RASSF8: variants seen among roughly 807,000 people sequenced by gnomAD.
The protein encoded by RASSF8 is ras association domain-containing protein 8.
In RASSF8, 22 loss-of-function variants were observed where a neutral mutation model predicts 48.5. That is an observed-to-expected ratio of 0.45 (90% CI 0.32 to 0.65). The LOEUF (loss-of-function observed/expected upper bound fraction) is 0.65, where lower values mean the gene tolerates loss of function less well. Ranked by LOEUF, RASSF8 falls within the 30% of genes least tolerant of loss-of-function variation. RASSF8 has a pLI of 0.03. For synonymous variants in RASSF8, 127 were observed against 171.5 expected (o/e 0.74, Z 2.03); for missense variants, 418 against 489.2 (o/e 0.85, Z 1.37).
chr12:26,069,529 A>C lies in RASSF8; in HGVS notation c.*711A>C. On this transcript the variant is annotated 3_prime_UTR_variant, in exon 6 of 6. Transcript: ENST00000689635. ...TTTCATAAGCTAAATTGTATGTATA[A>C]AACATTTGCAGTGTTTCAGACACTG... The C allele has an allele frequency of 8.1e-6, 8 of 985,470 alleles. No homozygotes were observed. The highest frequency in any genetic ancestry group is 9.6e-6 in the Non-Finnish European group (8 of 829,930). 61.0% of individuals were successfully genotyped at this position (985,470 alleles called of 1,614,324 possible). A position where few individuals can be genotyped will look rare whatever the true frequency, so the allele number is the denominator to read the frequency against.
chr12:26,060,560 T>C (rs1023085838), intron 3 of RASSF8, among the ~76,000 whole-genome samples: 1 of 152,170 alleles, frequency 6.6e-6, no homozygotes, highest in African/African-American at 2.4e-5. Flanking sequence ...TAAGATGATA[T>C]ATATAAAAGC....
chr12:26,006,895 A>G (rs1942404908), intron 2 of RASSF8, among the ~76,000 whole-genome samples: 1 of 152,214 alleles, frequency 6.6e-6, no homozygotes, highest in Non-Finnish European at 1.5e-5. Context: ...GTTGCTATAG[A>G]GGAATACCTG....
chr12:26,037,136 G>A (rs73079059), intron 2 of RASSF8, among the ~76,000 whole-genome samples: 14,732 of 152,102 alleles, frequency 0.097, 750 homozygotes, highest in Middle Eastern at 0.16. Flanking sequence ...GATTAAATTC[G>A]GATAATTGCT....
At chr12:25,980,484 G>A (rs1175895857) in intron 1 of RASSF8, among the ~76,000 whole-genome samples, 3 of 152,168 alleles carry the variant, frequency 2.0e-5, no homozygotes, top group East Asian at 1.9e-4. Context: ...CAGAGACTGC[G>A]TCTTCCAAAC....
intron 1 of RASSF8, among the ~76,000 whole-genome samples, chr12:25,969,714 T>A (rs1941439923): frequency 6.6e-6 from 1 of 152,144 alleles, no homozygotes; most frequent in Non-Finnish European, 1.5e-5. Flanking sequence ...TGCTGCCTTG[T>A]CTGCTCCCTC....
At chr12:26,004,231 A>AG (rs1196447884) in intron 2 of RASSF8, among the ~76,000 whole-genome samples, 2 of 152,220 alleles carry the variant, frequency 1.3e-5, no homozygotes, top group Non-Finnish European at 2.9e-5. Flanking sequence ...TTGAATAACA[A>AG]GGGGCATATC....
intron 2 of RASSF8, among the ~76,000 whole-genome samples, chr12:26,024,958 CA>C (rs1232462073): frequency 3.5e-5 from 5 of 142,408 alleles, no homozygotes; most frequent in African/African-American, 7.8e-5. Flanking sequence ...GACTCCGTCT[CA>C]AAAAAAAAAG....
chr12:26,072,537 G>A lies in RASSF8; in HGVS notation c.*3719G>A, dbSNP rs1944021009. On this transcript the variant is annotated 3_prime_UTR_variant, in exon 6 of 6. Coordinates refer to ENST00000689635, the MANE Select transcript of RASSF8 (RefSeq NM_001394098.1). Reference sequence around the variant, plus strand: ...TAAAGTATATACATATATATGGGGGGAGGGGAAAGATTAAAAAATAGATTT... The same window carrying A: ...TAAAGTATATACATATATATGGGGGAAGGGGAAAGATTAAAAAATAGATTT... 1 of 982,336 alleles carries A rather than the reference G, an allele frequency of 1.0e-6. No homozygotes were observed. Among genetic ancestry groups the A allele is most frequent in the African/African-American group, 1.7e-5 (1 of 57,238 alleles). The allele number at this position is 982,336 out of a possible 1,614,324, so 60.9% of individuals were successfully genotyped here. A position where few individuals can be genotyped will look rare whatever the true frequency, so the allele number is the denominator to read the frequency against.
intron 2 of RASSF8, among the ~76,000 whole-genome samples, chr12:26,016,557 C>T (rs1187458987): frequency 2.6e-5 from 4 of 151,964 alleles, no homozygotes; most frequent in Admixed American, 1.3e-4. Flanking sequence ...AGAATCTGTG[C>T]GAAAGAGCTT....
intron 1 of RASSF8, among the ~76,000 whole-genome samples, chr12:25,985,228 T>G (rs76149601): frequency 0.024 from 3,618 of 152,164 alleles, 123 homozygotes; most frequent in African/African-American, 0.075. Flanking sequence ...TAAAGGTTTT[T>G]TGTGTGTGTG....
chr12:25,963,689 T>C (rs1485835356), intron 1 of RASSF8, among the ~76,000 whole-genome samples: 2 of 152,148 alleles, frequency 1.3e-5, no homozygotes, highest in African/African-American at 4.8e-5. Context: ...GTTCCCAAAC[T>C]GTGATCCTTT....
intron 3 of RASSF8, among the ~76,000 whole-genome samples, chr12:26,063,284 C>T (rs1267849329): frequency 1.3e-5 from 2 of 152,264 alleles, no homozygotes; most frequent in Non-Finnish European, 2.9e-5. Context: ...ATTTAAAAAG[C>T]ATGTTCAAGC....
chr12:26,055,403 C>T lies in RASSF8; in HGVS notation c.60C>T (p.Val20=), dbSNP rs1943579666. The change falls in exon 3 of 6, where the codon GTC becomes GTT. Residue 20 remains valine, a synonymous_variant. Coordinates refer to ENST00000689635, the MANE Select transcript of RASSF8 (RefSeq NM_001394098.1). The stretch of plus-strand genomic sequence containing the variant: ...GGATTGTTTGTGGAGTCACTGAAGT[C>T]ACAACTTGCCAGGAGGTTGTCATAG... ...VQRIVCGVTE[V]TTCQEVVIAL... 1 of 1,614,066 alleles carries T rather than the reference C, an allele frequency of 6.2e-7. No homozygotes were observed. Among genetic ancestry groups the T allele is most frequent in the South Asian group, 1.1e-5 (1 of 91,090 alleles).
chr12:25,958,755 G>T lies in RASSF8; in HGVS notation c.-596G>T, dbSNP rs1008382417. 3.4e-5 allele frequency among the ~76,000 whole-genome samples: 5 copies of T among 146,304 alleles called. No homozygotes were observed. Among genetic ancestry groups the T allele is most frequent in the Non-Finnish European group, 6.1e-5 (4 of 65,802 alleles). On this transcript the variant is annotated 5_prime_UTR_variant, in exon 1 of 6. Coordinates refer to ENST00000689635, the MANE Select transcript of RASSF8 (RefSeq NM_001394098.1). ...GCTCCTCCTACGCCCGCGCTCGTCC[G>T]GCGCCCCGCGCCGCGCCCCGCTCAG...
At chr12:26,073,917 C>G (rs1248606030), downstream of RASSF8, among the ~76,000 whole-genome samples, 1 of 150,882 alleles carries the variant, frequency 6.6e-6, no homozygotes, top group Non-Finnish European at 1.5e-5. Context: ...TTTCAACTTT[C>G]TTTAGGGCCA....
intron 1 of RASSF8, among the ~76,000 whole-genome samples, chr12:25,982,053 T>C (rs117307334): frequency 3.0e-4 from 46 of 152,306 alleles, no homozygotes; most frequent in Non-Finnish European, 4.9e-4. Flanking sequence ...AAATCGAAGA[T>C]ACGGGGTACC....
In RASSF8 at chr12:26,072,765, G is replaced by C. The variant is rs1479552370; in HGVS notation, c.*3947G>C. 1 of 937,956 alleles carries C rather than the reference G, an allele frequency of 1.1e-6. No individual in the cohort carries two copies. The highest frequency in any genetic ancestry group is 1.2e-4 in the East Asian group (1 of 8,580). The allele number at this position is 937,956 out of a possible 1,614,324, so 58.1% of individuals were successfully genotyped here. A position where few individuals can be genotyped will look rare whatever the true frequency, so the allele number is the denominator to read the frequency against. ...ATTATATGTAATTATCCTTTTCTTTGACTTTCATTTTAAATGTATATTTTC... is the reference window on the plus strand; with the variant it reads ...ATTATATGTAATTATCCTTTTCTTTCACTTTCATTTTAAATGTATATTTTC... On this transcript the variant is annotated 3_prime_UTR_variant, in exon 6 of 6. Transcript: ENST00000689635.
At chr12:25,992,785 C>T (rs1332381167) in intron 1 of RASSF8, among the ~76,000 whole-genome samples, 1 of 152,186 alleles carries the variant, frequency 6.6e-6, no homozygotes, top group Non-Finnish European at 1.5e-5. Context: ...AGACCGTTTT[C>T]ACTTAAGCCT....
rs552924033 is a variant in RASSF8 at position 26,058,767 on chromosome 12, T to C, written c.103+3321T>C. 2.6e-5 allele frequency among the ~76,000 whole-genome samples: 4 copies of C among 152,362 alleles called. No individual in the cohort carries two copies. The South Asian group carries it at 8.3e-4, about 32-fold the overall frequency. Reference sequence around the variant, plus strand: ...GCAAAGAGCTAGAAACAACATAGTTTGATGAAAGATGTTGAATCTATAGGA... The same window carrying C: ...GCAAAGAGCTAGAAACAACATAGTTCGATGAAAGATGTTGAATCTATAGGA... On this transcript the variant is annotated intron_variant, in intron 3 of 5. Coordinates refer to ENST00000689635, the MANE Select transcript of RASSF8 (RefSeq NM_001394098.1).
Sources: allele counts gnomAD v4.1 joint callset (sites outside exome capture counted in the v4.1 genomes callset), GRCh38; gene constraint gnomAD v4.1.1; transcripts MANE v1.5; gene names NCBI Gene and HGNC (gene_info 2026-07-23, HGNC 2026-07-21).